LRGUK: variants seen among roughly 807,000 people sequenced by gnomAD.
The protein encoded by LRGUK is leucine rich repeats and guanylate kinase domain containing.
A neutral mutation model predicts 76.0 loss-of-function variants in LRGUK; 65 were observed. The observed-to-expected ratio is 0.85, with a 90% CI of 0.70 to 1.05. LRGUK has a LOEUF of 1.05. Ranked by LOEUF, LRGUK falls within the 50% of genes least tolerant of loss-of-function variation. LRGUK has a pLI of 0.00. For missense variants in LRGUK, 758 were observed against 732.8 expected (o/e 1.03, Z -0.40); for synonymous variants, 268 against 265.6 (o/e 1.01, Z -0.09).
At chr7:134,258,119 A>T (rs908427148) in intron 18 of LRGUK, 138 bp from the exon 19 acceptor site, 1 of 1,004,628 alleles carries the variant, frequency 1.0e-6, no homozygotes, top group Admixed American at 2.2e-5. Context: ...GTTGAACACT[A>T]GCTCAACACA....
intron 16 of LRGUK, among the ~76,000 whole-genome samples, chr7:134,245,416 T>G (rs1163943931): frequency 6.6e-6 from 1 of 152,096 alleles, no homozygotes; most frequent in African/African-American, 2.4e-5. Context: ...GCATAAACAC[T>G]CACATCATGC....
At chr7:134,164,945 T>C (rs982821154) in intron 7 of LRGUK, among the ~76,000 whole-genome samples, 17 of 152,208 alleles carry the variant, frequency 1.1e-4, no homozygotes, top group African/African-American at 3.6e-4. Flanking sequence ...CTGTACCACG[T>C]GTCTTAGGAA....
intron 19 of LRGUK, among the ~76,000 whole-genome samples, chr7:134,258,715 T>C (rs1802647083): frequency 6.6e-6 from 1 of 151,988 alleles, no homozygotes; most frequent in Non-Finnish European, 1.5e-5. Context: ...AAGGTATGCG[T>C]TGTTTTACAT....
intron 7 of LRGUK, among the ~76,000 whole-genome samples, chr7:134,170,955 C>G (rs1368717046): frequency 6.6e-6 from 1 of 152,062 alleles, no homozygotes; most frequent in Non-Finnish European, 1.5e-5. Context: ...GTTGATAGAT[C>G]CTCACAGTTT....
chr7:134,259,031 A>G (rs760237961), intron 19 of LRGUK, among the ~76,000 whole-genome samples: 2 of 152,014 alleles, frequency 1.3e-5, no homozygotes, highest in Non-Finnish European at 2.9e-5. Context: ...GGTGAGGTAG[A>G]CTCCATTCAA....
intron 17 of LRGUK, among the ~76,000 whole-genome samples, chr7:134,248,421 C>A (rs991942400): frequency 6.6e-6 from 1 of 152,096 alleles, no homozygotes; most frequent in Non-Finnish European, 1.5e-5. Context: ...GGTTTATTCA[C>A]GAAAAATGGC....
chr7:134,247,627 C>T (rs764504716), exon 17 of LRGUK: 5 of 1,613,126 alleles, frequency 3.1e-6, no homozygotes, highest in Non-Finnish European at 4.2e-6. Flanking sequence ...GCCCTGATCA[C>T]ACACTCCTAT....
chr7:134,205,831 A>C (rs1263540635), intron 15 of LRGUK, among the ~76,000 whole-genome samples: 1 of 152,234 alleles, frequency 6.6e-6, no homozygotes, highest in East Asian at 1.9e-4. Flanking sequence ...GGTTTTTCCC[A>C]ATTGGATTAG....
intron 7 of LRGUK, among the ~76,000 whole-genome samples, chr7:134,169,176 ACACACAC>A (rs1799136479): frequency 9.5e-6 from 1 of 105,146 alleles, no homozygotes; most frequent in African/African-American, 3.1e-5. Flanking sequence ...ACACACACAC[ACACACAC>A]ACACACACAC....
intron 16 of LRGUK, among the ~76,000 whole-genome samples, chr7:134,242,693 A>G (rs1206176460): frequency 6.6e-6 from 1 of 152,200 alleles, no homozygotes; most frequent in Admixed American, 6.5e-5. Context: ...ATCCTCCCTA[A>G]TTCATTTTAT....
chr7:134,178,590 C>T, exon 10 of LRGUK: 2 of 1,612,328 alleles, frequency 1.2e-6, no homozygotes, highest in Middle Eastern at 1.7e-4. Flanking sequence ...CGTGATGCAG[C>T]CGCAGAGGAT....
intron 1 of LRGUK, among the ~76,000 whole-genome samples, chr7:134,134,188 T>C (rs1797432741): frequency 6.6e-6 from 1 of 152,112 alleles, no homozygotes; most frequent in East Asian, 1.9e-4. Context: ...AGATTTGTTG[T>C]GGTCAGTGAA....
intron 10 of LRGUK, among the ~76,000 whole-genome samples, chr7:134,181,287 A>T (rs779158272): frequency 2.0e-5 from 3 of 152,126 alleles, no homozygotes; most frequent in Non-Finnish European, 2.9e-5. Context: ...AAAATTCATG[A>T]TCCACACCTT....
chr7:134,239,620 G>A (rs911630372), intron 16 of LRGUK, among the ~76,000 whole-genome samples: 1 of 152,226 alleles, frequency 6.6e-6, no homozygotes, highest in African/African-American at 2.4e-5. Flanking sequence ...TCCACCTCTG[G>A]GAGCAGGACA....
In LRGUK at chr7:134,143,166, G is replaced by A. The variant is rs1451711586; in HGVS notation, c.588+4G>A. On this transcript the variant is annotated splice_donor_region_variant and intron_variant, in intron 4 of 15. Coordinates refer to ENST00000645682, the Ensembl canonical transcript of LRGUK. Reference sequence around the variant, plus strand: ...CAAGCCACCCAAAAACCTCAAGGTAGACTTTATGAATACCTTAATTACACA... The same window carrying A: ...CAAGCCACCCAAAAACCTCAAGGTAAACTTTATGAATACCTTAATTACACA... 6.5e-7 allele frequency: 1 copy of A among 1,534,358 alleles called. No individual in the cohort carries two copies. Among genetic ancestry groups the A allele is most frequent in the South Asian group, 1.1e-5 (1 of 89,292 alleles).
At chr7:134,186,392 C>A (rs528403714) in intron 11 of LRGUK, among the ~76,000 whole-genome samples, 78 of 152,318 alleles carry the variant, frequency 5.1e-4, no homozygotes, top group African/African-American at 1.5e-3. Flanking sequence ...CCCTGCTTGT[C>A]TGTAGCCCAT....
chr7:134,168,226 A>T (rs1030086131), intron 7 of LRGUK, among the ~76,000 whole-genome samples: 3 of 152,054 alleles, frequency 2.0e-5, no homozygotes, highest in Non-Finnish European at 2.9e-5. Context: ...AAAACTGGGC[A>T]TGGTGACGTG....
chr7:134,132,587 G>T (rs184102715), intron 1 of LRGUK, among the ~76,000 whole-genome samples: 31 of 152,272 alleles, frequency 2.0e-4, no homozygotes, highest in Non-Finnish European at 4.3e-4. Context: ...GAGTAGATTG[G>T]TTATTAAAGG....
At chr7:134,236,647 T>G (rs191307783) in intron 16 of LRGUK, among the ~76,000 whole-genome samples, 3 of 152,348 alleles carry the variant, frequency 2.0e-5, no homozygotes, top group Admixed American at 2.0e-4. Context: ...AGATAACATC[T>G]GTTTTTCTCT....
Sources: gnomAD v4.1 joint callset for allele counts (sites outside exome capture counted in the v4.1 genomes callset) on GRCh38, gnomAD v4.1.1 for gene constraint, MANE v1.5 for transcripts, NCBI Gene and HGNC (gene_info 2026-07-23, HGNC 2026-07-21) for gene names.